HTR4: variants seen among roughly 807,000 people sequenced by gnomAD.
HTR4 encodes the protein 5-hydroxytryptamine receptor 4, also known as 5-hydroxytryptamine (serotonin) receptor 4, G protein-coupled.
In HTR4, 16 loss-of-function variants were observed where a neutral mutation model predicts 36.8. The ratio of observed to expected loss-of-function variants is 0.43; its 90% CI spans 0.29 to 0.66. HTR4 has a LOEUF of 0.66. Among genes scored for constraint, HTR4 ranks in the 30% least tolerant of loss-of-function variants. The probability of loss-of-function intolerance (pLI) is 0.13; values close to 1 mark genes in which losing one functional copy is unlikely to be tolerated. For synonymous variants in HTR4, 189 were observed against 185.1 expected, an observed-to-expected ratio of 1.02 and a Z score of -0.17; for missense variants, 438 against 490.9, an observed-to-expected ratio of 0.89 and a Z score of 1.02.
rs1181576092 is a variant in HTR4 at position 148,497,766 on chromosome 5, A to G, written c.1076+11690T>C. 2.6e-5 allele frequency among the ~76,000 whole-genome samples: 4 copies of G among 152,238 alleles called. No homozygotes were observed. In the East Asian group the frequency reaches 7.7e-4, roughly 29 times the overall value. ...ATTCACTGAGAATCTGAGTTTGCAC[A>G]TTTGATGAACCTCTTAGAATTCCAC... is the stretch of plus-strand genomic sequence containing the variant. On this transcript the variant is annotated intron_variant, in intron 6 of 6. Transcript: ENST00000377888.
At chr5:148,509,222 C>G in intron 6 of HTR4, 1 of 453,140 alleles carries the variant, frequency 2.2e-6, no homozygotes, top group East Asian at 3.4e-5. Context: ...TTTAAACGAC[C>G]TGCCCAAGGT....
chr5:148,497,244 G>A (rs973961457), intron 6 of HTR4, among the ~76,000 whole-genome samples: 1 of 152,152 alleles, frequency 6.6e-6, no homozygotes, highest in African/African-American at 2.4e-5. Flanking sequence ...CTGGAGTGGA[G>A]TGCAGTGGCA....
intron 2 of HTR4, among the ~76,000 whole-genome samples, chr5:148,554,951 C>G (rs2113856929): frequency 6.6e-6 from 1 of 152,118 alleles, no homozygotes; most frequent in Middle Eastern, 3.4e-3. Context: ...GCCTCCAGCT[C>G]CATCGATGTT....
chr5:148,502,216 C>T (rs1259486915), intron 6 of HTR4, among the ~76,000 whole-genome samples: 1 of 152,138 alleles, frequency 6.6e-6, no homozygotes, highest in African/African-American at 2.4e-5. Flanking sequence ...GGGTCCCTGA[C>T]CCCCAAGTAG....
intron 5 of HTR4, among the ~76,000 whole-genome samples, chr5:148,451,643 A>G (rs866340185): frequency 6.6e-6 from 1 of 152,164 alleles, no homozygotes; most frequent in African/African-American, 2.4e-5. Context: ...GCTATGTCCT[A>G]TCTACCAGGG....
chr5:148,483,875 T>C (rs1756012662), intron 6 of HTR4, among the ~76,000 whole-genome samples: 1 of 152,082 alleles, frequency 6.6e-6, no homozygotes, highest in Non-Finnish European at 1.5e-5. Flanking sequence ...TTGATCGTTT[T>C]TGATACAACA....
chr5:148,458,544 G>A (rs973409505), intron 5 of HTR4, among the ~76,000 whole-genome samples: 1 of 152,086 alleles, frequency 6.6e-6, no homozygotes, highest in Non-Finnish European at 1.5e-5. Context: ...GCATGTCAGA[G>A]GGGGGATGAG....
At chr5:148,589,792 T>TA (rs1561637166) in intron 2 of HTR4, among the ~76,000 whole-genome samples, 1 of 152,112 alleles carries the variant, frequency 6.6e-6, no homozygotes, top group Non-Finnish European at 1.5e-5. Flanking sequence ...TACACATTTT[T>TA]AAAAAATTAA....
At chr5:148,617,980 T>C (rs1752766982) in intron 2 of HTR4, among the ~76,000 whole-genome samples, 1 of 152,218 alleles carries the variant, frequency 6.6e-6, no homozygotes, top group Admixed American at 6.5e-5. Flanking sequence ...CCACTGTCTC[T>C]CAGCAATTCC....
intron 2 of HTR4, among the ~76,000 whole-genome samples, chr5:148,601,786 G>A (rs1762005891): frequency 1.3e-5 from 2 of 152,114 alleles, no homozygotes; most frequent in South Asian, 4.1e-4. Flanking sequence ...GGGAGACACA[G>A]CAAGACCCTA....
chr5:148,524,959 G>A lies in HTR4; in HGVS notation c.354-1613C>T, dbSNP rs570326598. On this transcript the variant is annotated intron_variant, in intron 4 of 6. Transcript: ENST00000377888. ...AGGAGCAGGGAGAGGAGAAATACCC[G>A]CTTTCCTACAAGGCACTGAGGAGCA... is the stretch of plus-strand genomic sequence containing the variant. Among the ~76,000 whole-genome samples the A allele has an allele frequency of 3.3e-5, 5 of 152,192 alleles. No individual in the cohort carries two copies. The South Asian group carries it at 1.0e-3, about 32-fold the overall frequency.
chr5:148,573,042 G>A (rs979297347), intron 2 of HTR4, among the ~76,000 whole-genome samples: 3 of 152,044 alleles, frequency 2.0e-5, no homozygotes, highest in African/African-American at 7.2e-5. Flanking sequence ...GATCTCATTC[G>A]AGAGACCAAA....
chr5:148,557,649 C>G (rs920055668), intron 2 of HTR4, among the ~76,000 whole-genome samples: 1 of 151,822 alleles, frequency 6.6e-6, no homozygotes, highest in Non-Finnish European at 1.5e-5. Context: ...AAGGTAGAAC[C>G]AGCAGAGGAG....
intron 2 of HTR4, among the ~76,000 whole-genome samples, chr5:148,606,691 G>C (rs1255011461): frequency 6.6e-6 from 1 of 152,202 alleles, no homozygotes; most frequent in African/African-American, 2.4e-5. Context: ...TTAAAAACCA[G>C]CTTCTGAGTT....
At chr5:148,575,555 G>A (rs1291211262) in intron 2 of HTR4, among the ~76,000 whole-genome samples, 3 of 151,998 alleles carry the variant, frequency 2.0e-5, no homozygotes, top group Non-Finnish European at 4.4e-5. Context: ...GTATACACCT[G>A]CTACCCACTC....
intron 5 of HTR4, among the ~76,000 whole-genome samples, chr5:148,516,567 C>T (rs566427820): frequency 7.9e-5 from 12 of 152,012 alleles, no homozygotes; most frequent in African/African-American, 2.7e-4. Flanking sequence ...ATCTGCCCGC[C>T]TTGGCCTCCC....
At chr5:148,644,421 AG>A (rs1753816248) in intron 1 of HTR4, among the ~76,000 whole-genome samples, 22 of 85,850 alleles carry the variant, frequency 2.6e-4, no homozygotes, top group African/African-American at 9.0e-4. Context: ...CAAGCTCACA[AG>A]TTTTTTTTTT....
chr5:148,588,006 A>G (rs949227563), intron 2 of HTR4, among the ~76,000 whole-genome samples: 4 of 152,088 alleles, frequency 2.6e-5, no homozygotes, highest in African/African-American at 9.7e-5. Context: ...TCACCCTGCT[A>G]CTAGATTTGT....
intron 4 of HTR4, among the ~76,000 whole-genome samples, chr5:148,528,261 C>T (rs893476708): frequency 6.6e-6 from 1 of 152,122 alleles, no homozygotes; most frequent in African/African-American, 2.4e-5. Flanking sequence ...TTGACCTCTG[C>T]AGCTTCTTCA....
Sources: allele counts gnomAD v4.1 joint callset (sites outside exome capture counted in the v4.1 genomes callset), GRCh38; gene constraint gnomAD v4.1.1; transcripts MANE v1.5; gene names NCBI Gene and HGNC (gene_info 2026-07-23, HGNC 2026-07-21).